NGEF: variants seen among roughly 807,000 people sequenced by gnomAD.
The protein encoded by NGEF is ephexin-1.
Under a neutral mutation model 80.9 loss-of-function variants are expected in NGEF, and 31 were observed. The observed-to-expected ratio is 0.38, with a 90% CI of 0.29 to 0.52. NGEF has a LOEUF of 0.52. NGEF is among the 20% of genes least tolerant of loss of function. The pLI, the probability that NGEF is intolerant of heterozygous loss-of-function variation, is 0.84. For synonymous variants in NGEF, 371 were observed against 370.2 expected (o/e 1.00, Z -0.03); for missense variants, 709 against 926.2 (o/e 0.77, Z 3.04).
chr2:232,978,106 C>A (rs56294783), intron 1 of NGEF, among the ~76,000 whole-genome samples: 5,160 of 151,744 alleles, frequency 0.034, 318 homozygotes, highest in African/African-American at 0.12. Context: ...AGGCATCTTC[C>A]GGCTCTGACA....
At chr2:232,960,098 C>T (rs1693914609) in intron 3 of NGEF, among the ~76,000 whole-genome samples, 1 of 152,240 alleles carries the variant, frequency 6.6e-6, no homozygotes, top group Non-Finnish European at 1.5e-5. Context: ...TTGCCAGGAA[C>T]AGAGGAAGGC....
At chr2:233,001,550 C>A (rs547360429) in intron 1 of NGEF, among the ~76,000 whole-genome samples, 1 of 151,978 alleles carries the variant, frequency 6.6e-6, no homozygotes, top group Admixed American at 6.6e-5. Context: ...GAATAGCCAG[C>A]GAGAACGGAA....
intron 3 of NGEF, among the ~76,000 whole-genome samples, chr2:232,954,682 G>A (rs932321411): frequency 1.3e-5 from 2 of 150,112 alleles, no homozygotes; most frequent in African/African-American, 2.4e-5. Context: ...CCGAGATCAC[G>A]CCACTGCACT....
intron 5 of NGEF, among the ~76,000 whole-genome samples, chr2:232,906,671 C>G (rs62191804): frequency 0.53 from 15,952 of 30,068 alleles, 6,420 homozygotes; most frequent in East Asian, 0.61. Flanking sequence ...ACCACCCCAT[C>G]TGGGAGGTGT....
At chr2:232,896,422 G>A (rs1692061487) in intron 5 of NGEF, among the ~76,000 whole-genome samples, 1 of 151,964 alleles carries the variant, frequency 6.6e-6, no homozygotes, top group South Asian at 2.1e-4. Context: ...CCCAGGCTGT[G>A]GGAGAATCAA....
chr2:233,002,084 G>A (rs980885535), intron 1 of NGEF, among the ~76,000 whole-genome samples: 4 of 152,128 alleles, frequency 2.6e-5, no homozygotes, highest in African/African-American at 7.2e-5. Flanking sequence ...TTTTCCATTC[G>A]TCTCTCATCT....
intron 1 of NGEF, among the ~76,000 whole-genome samples, chr2:232,993,179 TA>T: frequency 7.5e-6 from 1 of 133,812 alleles, no homozygotes; most frequent in African/African-American, 2.8e-5. Flanking sequence ...TATATATAAA[TA>T]AATATATATA....
intron 3 of NGEF, among the ~76,000 whole-genome samples, chr2:232,949,778 C>G (rs917159330): frequency 4.7e-5 from 7 of 147,780 alleles, no homozygotes; most frequent in Non-Finnish European, 4.5e-5. Context: ...GCGCCTGGCT[C>G]TCTGCACTCT....
chr2:232,913,872 A>T (rs1478673004), intron 5 of NGEF, among the ~76,000 whole-genome samples: 4 of 152,216 alleles, frequency 2.6e-5, no homozygotes, highest in Non-Finnish European at 5.9e-5. Context: ...GTGAGCCGAG[A>T]TCCTGCCACT....
At chr2:232,920,221 C>G (rs1692907881) in intron 5 of NGEF, 63 bp downstream of exon 5, 5 of 1,521,502 alleles carry the variant, frequency 3.3e-6, no homozygotes, top group Non-Finnish European at 4.5e-6. Context: ...GAAGCCTCAC[C>G]CCCAGCAGTG....
intron 3 of NGEF, among the ~76,000 whole-genome samples, chr2:232,969,701 A>G (rs553195575): frequency 6.6e-6 from 1 of 151,788 alleles, no homozygotes. Flanking sequence ...TTTAGTAGAG[A>G]CAGGGTTTTG....
At chr2:232,898,675 C>T (rs774266102) in intron 5 of NGEF, among the ~76,000 whole-genome samples, 2 of 152,228 alleles carry the variant, frequency 1.3e-5, no homozygotes, top group Non-Finnish European at 2.9e-5. Flanking sequence ...TTCACTCGTT[C>T]GTTCCTTCGT....
intron 2 of NGEF, among the ~76,000 whole-genome samples, chr2:232,973,373 T>C (rs1304858197): frequency 6.6e-6 from 1 of 152,214 alleles, no homozygotes; most frequent in Non-Finnish European, 1.5e-5. Context: ...TACATGATTT[T>C]GTTAGTGTTT....
At chr2:232,985,935 G>A (rs1447623341) in intron 1 of NGEF, among the ~76,000 whole-genome samples, 13 of 135,234 alleles carry the variant, frequency 9.6e-5, no homozygotes, top group Non-Finnish European at 1.6e-4. Flanking sequence ...GTGAGACTCC[G>A]TCCAAAAAAA....
At chr2:232,926,201 A>G (rs751908) in intron 4 of NGEF, among the ~76,000 whole-genome samples, 24,999 of 152,188 alleles carry the variant, frequency 0.16, 2,602 homozygotes, top group Non-Finnish European at 0.22. Context: ...TTTATTTAAC[A>G]GATAGACTGT....
At chr2:232,915,471 C>A (rs1692778583) in intron 5 of NGEF, among the ~76,000 whole-genome samples, 1 of 152,170 alleles carries the variant, frequency 6.6e-6, no homozygotes, top group Admixed American at 6.6e-5. Context: ...CACACTGCAT[C>A]TCAACTGGAT....
intron 3 of NGEF, among the ~76,000 whole-genome samples, chr2:232,955,647 T>C (rs541513228): frequency 2.0e-4 from 30 of 152,322 alleles, no homozygotes; most frequent in African/African-American, 7.0e-4. Flanking sequence ...GCCTCCCGAG[T>C]AGCTGGGATT....
intron 3 of NGEF, among the ~76,000 whole-genome samples, chr2:232,928,500 C>G (rs894923546): frequency 1.3e-5 from 2 of 152,020 alleles, no homozygotes; most frequent in African/African-American, 4.8e-5. Context: ...CTTGCCCACG[C>G]TGGGCACCCC....
At chr2:232,901,012 A>G (rs1480586157) in intron 5 of NGEF, among the ~76,000 whole-genome samples, 3 of 152,348 alleles carry the variant, frequency 2.0e-5, no homozygotes, top group African/African-American at 2.4e-5. Flanking sequence ...ACACATTTGA[A>G]AAACAAAAGA....
Sources: gnomAD v4.1 joint callset for allele counts (sites outside exome capture counted in the v4.1 genomes callset) on GRCh38, gnomAD v4.1.1 for gene constraint, MANE v1.5 for transcripts, NCBI Gene and HGNC (gene_info 2026-07-23, HGNC 2026-07-21) for gene names.